FUT9: variants seen among roughly 807,000 people sequenced by gnomAD.
FUT9 encodes fucosyltransferase 9.
In FUT9, 15 loss-of-function variants were observed where a neutral mutation model predicts 29.7. The ratio of observed to expected loss-of-function variants is 0.51; its 90% confidence interval spans 0.34 to 0.78. FUT9 has a LOEUF of 0.78. Ranked by LOEUF, FUT9 falls within the 30% of genes least tolerant of loss-of-function variation. The pLI is 0.01. For missense variants in FUT9, 319 were observed against 425.4 expected, an observed-to-expected ratio of 0.75 and a Z score of 2.20; for synonymous variants, 169 against 153.7, an observed-to-expected ratio of 1.10 and a Z score of -0.74.
At chr6:96,183,793 C>T (rs1276664061) in intron 2 of FUT9, among the ~76,000 whole-genome samples, 2 of 152,004 alleles carry the variant, frequency 1.3e-5, no homozygotes, top group Non-Finnish European at 2.9e-5. Flanking sequence ...GGTATGAAAC[C>T]TACTTGATTA....
chr6:96,209,420 T>A lies in FUT9; in HGVS notation c.*5185T>A, dbSNP rs1244820563. On this transcript the variant is annotated 3_prime_UTR_variant, in exon 3 of 3. Coordinates refer to ENST00000302103, the MANE Select transcript of FUT9 (RefSeq NM_006581.4). ...TGTATTTCCTCCCTCCCCTTAGTTG[T>A]CTATGACTTTTGAACTCACTGCTCA... is the stretch of plus-strand genomic sequence containing the variant. 3.0e-5 allele frequency: 5 copies of A among 166,924 alleles called. No individual in the cohort carries two copies. Among genetic ancestry groups the A allele is most frequent in the African/African-American group, 1.2e-4 (5 of 41,434 alleles). The allele number at this position is 166,924 out of a possible 1,614,324, so 10.3% of individuals were successfully genotyped here.
chr6:96,039,288 T>C (rs1056878943), intron 1 of FUT9, among the ~76,000 whole-genome samples: 1 of 152,026 alleles, frequency 6.6e-6, no homozygotes, highest in Non-Finnish European at 1.5e-5. Context: ...GTGCCAACTA[T>C]GTGGAATGCA....
At chr6:96,090,075 T>A (rs1049280554) in intron 1 of FUT9, among the ~76,000 whole-genome samples, 10 of 152,056 alleles carry the variant, frequency 6.6e-5, no homozygotes, top group Non-Finnish European at 1.5e-4. Flanking sequence ...AATTAATAAG[T>A]TTGAACAATA....
chr6:96,042,566 T>G (rs1011854647), intron 1 of FUT9, among the ~76,000 whole-genome samples: 3 of 152,194 alleles, frequency 2.0e-5, no homozygotes, highest in African/African-American at 7.2e-5. Flanking sequence ...CCCTGTATAC[T>G]CCAGCATGCA....
chr6:96,108,398 T>C (rs543194106), intron 1 of FUT9, among the ~76,000 whole-genome samples: 7 of 152,312 alleles, frequency 4.6e-5, no homozygotes, highest in African/African-American at 1.4e-4. Context: ...AACCTCTCTG[T>C]GCATCACATT....
Position 96,214,445 on chromosome 6 carries a change from CT to C in FUT9, c.*10211del, listed in dbSNP as rs1773998425. On this transcript the variant is annotated 3_prime_UTR_variant, in exon 3 of 3. Transcript: ENST00000302103. ...ATCACTAGGGGAAGAAAAAGTAGGC[CT>C]ACCCTTTTACTTATTAACTTAAGTA... 1 of 166,870 alleles carries C rather than the reference CT, an allele frequency of 6.0e-6. No homozygotes were observed. The highest frequency in any genetic ancestry group is 2.4e-5 in the African/African-American group (1 of 41,394). The allele number at this position is 166,870 out of a possible 1,614,324, so 10.3% of individuals were successfully genotyped here.
intron 2 of FUT9, among the ~76,000 whole-genome samples, chr6:96,177,824 G>T (rs1454757761): frequency 3.3e-5 from 5 of 152,022 alleles, no homozygotes; most frequent in Non-Finnish European, 5.9e-5. Context: ...TGTTACTAAG[G>T]TCCTCAATAT....
At chr6:96,125,463 CTG>C (rs1481588900) in intron 2 of FUT9, among the ~76,000 whole-genome samples, 5 of 152,178 alleles carry the variant, frequency 3.3e-5, no homozygotes, top group African/African-American at 4.8e-5. Context: ...ATAACAATAA[CTG>C]TTAGCATTTT....
intron 1 of FUT9, among the ~76,000 whole-genome samples, chr6:96,054,859 A>G (rs1348418773): frequency 6.6e-6 from 1 of 152,206 alleles, no homozygotes; most frequent in East Asian, 1.9e-4. Flanking sequence ...TAATGTTCTT[A>G]TAAGAGTGCC....
At position 96,180,208 on chromosome 6, in the gene FUT9, C is replaced by CTA. The variant is rs573880971; in HGVS notation, c.-8-22938_-8-22937dup. Among the ~76,000 whole-genome samples, 22 of 152,218 alleles carry CTA rather than the reference C, an allele frequency of 1.4e-4. No homozygotes were observed. In the East Asian group the frequency reaches 4.3e-3, roughly 29 times the overall value. ...CCCGGTCATGTTTACTGAGTGTTTG[C>CTA]TATGTCCAGGGACTATCCCAGGTTA... On this transcript the variant is annotated intron_variant, in intron 2 of 2. Transcript: ENST00000302103.
At chr6:96,028,605 C>T (rs1355399040) in intron 1 of FUT9, among the ~76,000 whole-genome samples, 1 of 151,496 alleles carries the variant, frequency 6.6e-6, no homozygotes, top group Non-Finnish European at 1.5e-5. Flanking sequence ...ATAAATGTTA[C>T]ATCTTCTCCA....
chr6:96,163,455 C>CA (rs1174704104), intron 2 of FUT9, among the ~76,000 whole-genome samples: 2 of 152,190 alleles, frequency 1.3e-5, no homozygotes, highest in African/African-American at 2.4e-5. Flanking sequence ...GTGCCTGTAA[C>CA]AGTAGCTGAG....
At chr6:96,078,932 TTC>T (rs1365783416) in intron 1 of FUT9, among the ~76,000 whole-genome samples, 1 of 152,168 alleles carries the variant, frequency 6.6e-6, no homozygotes, top group Non-Finnish European at 1.5e-5. Flanking sequence ...CCGCCAACCA[TTC>T]TGTTTCTGAA....
chr6:96,118,542 C>T (rs568120355), intron 2 of FUT9, among the ~76,000 whole-genome samples: 1 of 152,174 alleles, frequency 6.6e-6, no homozygotes, highest in South Asian at 2.1e-4. Context: ...AAGTGTAGTA[C>T]ATACTGTACA....
chr6:96,030,104 A>G (rs537433513), intron 1 of FUT9, among the ~76,000 whole-genome samples: 5 of 151,804 alleles, frequency 3.3e-5, no homozygotes, highest in East Asian at 1.9e-4. Flanking sequence ...ATCAGTAACT[A>G]TATAGAAGGC....
In FUT9 at chr6:96,209,712, A is replaced by T. The variant is rs1333947581; in HGVS notation, c.*5477A>T. 1 of 166,756 alleles carries T rather than the reference A, an allele frequency of 6.0e-6. No individual in the cohort carries two copies. Among genetic ancestry groups the T allele is most frequent in the Non-Finnish European group, 1.5e-5 (1 of 68,044 alleles). The allele number at this position is 166,756 out of a possible 1,614,324, so 10.3% of individuals were successfully genotyped here. A position where few individuals can be genotyped will look rare whatever the true frequency, so the allele number is the denominator to read the frequency against. On this transcript the variant is annotated 3_prime_UTR_variant, in exon 3 of 3. Transcript: ENST00000302103. ...TAACATATGTCCATGCATTTGATTT[A>T]CTTTAAAAATATTTTATTTAAAAAT...
At chr6:96,108,734 A>T (rs1486316571) in intron 1 of FUT9, among the ~76,000 whole-genome samples, 1 of 152,182 alleles carries the variant, frequency 6.6e-6, no homozygotes, top group Non-Finnish European at 1.5e-5. Context: ...GTCGTTATTC[A>T]GTATTCACTT....
intron 1 of FUT9, among the ~76,000 whole-genome samples, chr6:96,096,910 G>A (rs570620987): frequency 1.3e-5 from 2 of 151,934 alleles, no homozygotes; most frequent in Admixed American, 1.3e-4. Flanking sequence ...AATGAGGGGA[G>A]GAATTTTTAT....
chr6:96,063,321 G>T (rs570477938), intron 1 of FUT9, among the ~76,000 whole-genome samples: 1 of 152,248 alleles, frequency 6.6e-6, no homozygotes, highest in South Asian at 2.1e-4. Flanking sequence ...GCCAACATCT[G>T]CTCAGCTTCT....
Sources: allele counts gnomAD v4.1 joint callset (sites outside exome capture counted in the v4.1 genomes callset), GRCh38; gene constraint gnomAD v4.1.1; transcripts MANE v1.5; gene names NCBI Gene and HGNC (gene_info 2026-07-23, HGNC 2026-07-21).